Variants in SHC1 observed in about 807,000 individuals in gnomAD.
SHC1 encodes the protein SHC-transforming protein 1.
SHC1 carries 30 observed loss-of-function variants against 55.9 expected under a neutral mutation model. The observed-to-expected ratio is 0.54, with a 90% CI of 0.40 to 0.73. The LOEUF (loss-of-function observed/expected upper bound fraction) is 0.73, where lower values mean the gene tolerates loss of function less well. Ranked by LOEUF, SHC1 falls within the 30% of genes least tolerant of loss-of-function variation. The probability of loss-of-function intolerance (pLI) is 0.00; values close to 1 mark genes in which losing one functional copy is unlikely to be tolerated. For synonymous variants in SHC1, 309 were observed against 306.1 expected (o/e 1.01, Z -0.10); for missense variants, 675 against 777.1 (o/e 0.87, Z 1.56).
intron 7 of SHC1, 21 bp from the exon 8 acceptor site, chr1:154,966,538 GCTGT>G: frequency 4.6e-6 from 7 of 1,520,038 alleles, no homozygotes; most frequent in Non-Finnish European, 6.2e-6. Context: ...GGACAGTGAA[GCTGT>G]GGCTGTAAAT....
Position 154,965,934 on chromosome 1 carries a change from A to G in SHC1, c.1387+12T>C. ...AGGTGGGGATGCAGAGAGGAGAGAGACGAGCACTCACTCATGTCAAACAGG... is the reference window on the plus strand; with the variant it reads ...AGGTGGGGATGCAGAGAGGAGAGAGGCGAGCACTCACTCATGTCAAACAGG... On this transcript the variant is annotated intron_variant, in intron 10 of 11. Transcript: ENST00000448116. 6.2e-7 allele frequency: 1 copy of G among 1,604,134 alleles called. No homozygotes were observed. Among genetic ancestry groups the G allele is most frequent in the Non-Finnish European group, 8.5e-7 (1 of 1,172,902 alleles).
In SHC1 at chr1:154,969,924, A is replaced by T. The variant is rs193050974; in HGVS notation, c.495+108T>A. The T allele has an allele frequency of 1.4e-4, 167 of 1,227,246 alleles. No individual in the cohort carries two copies. The African/African-American group carries it at 2.0e-3, about 15-fold the overall frequency. The allele number at this position is 1,227,246 out of a possible 1,614,324, so 76.0% of individuals were successfully genotyped here. A position where few individuals can be genotyped will look rare whatever the true frequency, so the allele number is the denominator to read the frequency against. On this transcript the variant is annotated intron_variant, in intron 1 of 11. Coordinates refer to ENST00000448116, the MANE Select transcript of SHC1 (RefSeq NM_001130040.2). ...AAGGTTTAGGAAATAGGACACTGAAACGGGGTTGTTGGGGAACAGCAGGAA... is the reference window on the plus strand; with the variant it reads ...AAGGTTTAGGAAATAGGACACTGAATCGGGGTTGTTGGGGAACAGCAGGAA...
In SHC1 at chr1:154,967,959, GT is replaced by G. The variant is rs546641381; in HGVS notation, c.856+20del. The G allele has an allele frequency of 1.3e-4, 204 of 1,613,496 alleles. No homozygotes were observed. In the South Asian group the frequency reaches 2.1e-3, roughly 17 times the overall value. On this transcript the variant is annotated intron_variant, in intron 6 of 11. Transcript: ENST00000448116. ...CTCCTCAAACAGCCAGACCCACCCA[GT>G]GCTCCCCACCATGCCTCACCTCTCT...
intron 11 of SHC1, among the ~76,000 whole-genome samples, chr1:154,964,889 T>C (rs1024201743): frequency 2.6e-5 from 4 of 152,232 alleles, no homozygotes; most frequent in Non-Finnish European, 5.9e-5. Context: ...ACTTGCAGTG[T>C]CTAGCCTCTA....
Position 154,968,276 on chromosome 1 carries a change from G to C in SHC1, c.751-19C>G. 1 of 1,613,562 alleles carries C rather than the reference G, an allele frequency of 6.2e-7. No individual in the cohort carries two copies. Among genetic ancestry groups the C allele is most frequent in the Non-Finnish European group, 8.5e-7 (1 of 1,179,460 alleles). On this transcript the variant is annotated intron_variant, in intron 4 of 11. Transcript: ENST00000448116. ...CGATGATCTGAGAATTAGGGCAGGGGATGAAGAAGGAAGGGAATGCCATGT... is the reference window on the plus strand; with the variant it reads ...CGATGATCTGAGAATTAGGGCAGGGCATGAAGAAGGAAGGGAATGCCATGT...
Position 154,965,968 on chromosome 1 carries a change from T to G in SHC1, c.1365A>C (p.Ala455=). 1 of 1,613,212 alleles carries G rather than the reference T, an allele frequency of 6.2e-7. No individual in the cohort carries two copies. The change falls in exon 10 of 12, where the codon GCA becomes GCC. Residue 455 remains alanine, a synonymous_variant. Coordinates refer to ENST00000448116, the MANE Select transcript of SHC1 (RefSeq NM_001130040.2). ...GPPNPAINGS[A]PRDLFDMKPF... ...CACTCATGTCAAACAGGTCCCGGGG[T>G]GCACTGCCATTGATAGCAGGATTGG...
rs3753645 is a variant in SHC1 at position 154,970,003 on chromosome 1, G to A, written c.495+29C>T. ...GCATTAGAACTGGAGGGGGTCTGCGGGGGAATGGAGAGGAGGATGTTCACT... is the reference window on the plus strand; with the variant it reads ...GCATTAGAACTGGAGGGGGTCTGCGAGGGAATGGAGAGGAGGATGTTCACT... On this transcript the variant is annotated intron_variant, in intron 1 of 11. Transcript: ENST00000448116. The surrounding 1 kb of genome is among the most constrained non-coding windows in gnomAD (Gnocchi z 5.5). 829 of 1,612,394 alleles carry A rather than the reference G, an allele frequency of 5.1e-4. 3 individuals are homozygous for A. The East Asian group carries it at 0.016, about 31-fold the overall frequency.
In SHC1 at chr1:154,967,551, G is replaced by A. The variant is rs556374355; in HGVS notation, c.983+120C>T. 7.7e-5 allele frequency: 82 copies of A among 1,062,854 alleles called. No homozygotes were observed. The Admixed American group carries it at 1.6e-3, about 20-fold the overall frequency. 65.8% of individuals were successfully genotyped at this position (1,062,854 alleles called of 1,614,324 possible). Reference sequence around the variant, plus strand: ...AGGAAACAGAAGAATAGCAGGAAGTGGGAAGCAGAGGCACACAGGTTATTC... The same window carrying A: ...AGGAAACAGAAGAATAGCAGGAAGTAGGAAGCAGAGGCACACAGGTTATTC... On this transcript the variant is annotated intron_variant, in intron 7 of 11. Transcript: ENST00000448116.
At position 154,970,710 on chromosome 1, in the gene SHC1, T is replaced by C. The variant is rs1656657103; in HGVS notation, c.-184A>G. 3.8e-6 allele frequency: 2 copies of C among 519,492 alleles called. No individual in the cohort carries two copies. Among genetic ancestry groups the C allele is most frequent in the African/African-American group, 4.0e-5 (2 of 49,904 alleles). 32.2% of individuals were successfully genotyped at this position (519,492 alleles called of 1,614,324 possible). A position where few individuals can be genotyped will look rare whatever the true frequency, so the allele number is the denominator to read the frequency against. On this transcript the variant is annotated 5_prime_UTR_variant, in exon 1 of 12. Coordinates refer to ENST00000448116, the MANE Select transcript of SHC1 (RefSeq NM_001130040.2). This position sits in a 1 kb window ranked among gnomAD's most constrained non-coding sequence, Gnocchi z 5.5. ...CTCCCCAGCTCAGACCCAGACAGTTTCAGGCCCCATCCCCGCCCAACGTGG... is the reference window on the plus strand; with the variant it reads ...CTCCCCAGCTCAGACCCAGACAGTTCCAGGCCCCATCCCCGCCCAACGTGG...
intron 5 of SHC1, 28 bp downstream of exon 5, chr1:154,968,172 TCCCA>T: frequency 1.2e-6 from 2 of 1,610,128 alleles, no homozygotes; most frequent in South Asian, 2.2e-5. Flanking sequence ...CTTGCTCTTC[TCCCA>T]CCGCCTTTGC....
At chr1:154,971,424 G>A (rs1656735631), upstream of SHC1, among the ~76,000 whole-genome samples, 1 of 152,220 alleles carries the variant, frequency 6.6e-6, no homozygotes, top group Admixed American at 6.5e-5. Flanking sequence ...GAAGCTACCA[G>A]GCAAGAAGGG....
rs1241202564 is a variant in SHC1 at position 154,970,209 on chromosome 1, G to GTAC, written c.317_318insGTA (p.Pro106_Leu107insTyr). 1 of 1,613,788 alleles carries GTAC rather than the reference G, an allele frequency of 6.2e-7. No homozygotes were observed. The highest frequency in any genetic ancestry group is 2.2e-5 in the East Asian group (1 of 44,876). ...TCAGCTTGTTCATGTCCTGGAGGAG[G>GTAC]GGTAGGGGGCCTGAGTCTGGCATGG... On this transcript the variant is annotated inframe_insertion, in exon 1 of 12. Transcript: ENST00000448116. The surrounding 1 kb of genome is among the most constrained non-coding windows in gnomAD (Gnocchi z 5.5).
rs1394232454 is a variant in SHC1, at chr1:154,968,517, A to G, written c.728T>C (p.Leu243Pro). The change falls in exon 4 of 12, where the codon CTC (leucine) becomes CCC (proline). Residue 243 changes from leucine (L) to proline (P), a missense_variant. Around this residue, in one of 3 missense-constraint regions of SHC1, gnomAD observed 159 missense variants for 246.9 expected, o/e 0.64. Coordinates refer to ENST00000448116, the MANE Select transcript of SHC1 (RefSeq NM_001130040.2). ...AACCTGTTTGCAGTCTGCGGCCATG[A>G]GGTTGAGGCTGCTGGTGGAGACGGT... ...TLTVSTSSLN[L>P]MAADCKQIIA... 6.2e-7 allele frequency: 1 copy of G among 1,614,022 alleles called. No individual in the cohort carries two copies. The highest frequency in any genetic ancestry group is 8.5e-7 in the Non-Finnish European group (1 of 1,179,986).
upstream of SHC1, among the ~76,000 whole-genome samples, chr1:154,973,772 T>G (rs566472775): frequency 3.9e-5 from 6 of 152,228 alleles, no homozygotes; most frequent in South Asian, 1.2e-3. Context: ...CGTGGTCCCC[T>G]AAGGACGCGA....
Position 154,965,555 on chromosome 1 carries a change from G to A in SHC1, c.1614C>T (p.Asp538=), listed in dbSNP as rs1655844947. The part of the protein sequence containing the change: ...SGQPKHLLLV[D]PEGVVRTKDH... Reference sequence around the variant, plus strand: ...CTGCCACACTCACCACACCCTCAGGGTCCACCAGTAGCAAATGCTTAGGCT... The same window carrying A: ...CTGCCACACTCACCACACCCTCAGGATCCACCAGTAGCAAATGCTTAGGCT... The change falls in exon 11 of 12, where the codon GAC becomes GAT. Residue 538 remains aspartate (D), a synonymous_variant. Coordinates refer to ENST00000448116, the MANE Select transcript of SHC1 (RefSeq NM_001130040.2). 1.2e-6 allele frequency: 2 copies of A among 1,613,960 alleles called. No homozygotes were observed. The highest frequency in any genetic ancestry group is 1.7e-6 in the Non-Finnish European group (2 of 1,180,016).
rs779967977 is a variant in SHC1, at chr1:154,966,483, C to T, written c.1018G>A (p.Glu340Lys). Residue 340 changes from glutamate (E) to lysine (K), a missense_variant, in exon 8 of 12, where the codon GAG becomes AAG. Glu to Lys is a moderately conservative substitution (Grantham distance 56, BLOSUM62 1). This residue lies in a region of SHC1 where 360 missense variants were observed against 371.1 expected (regional missense o/e 0.97). Coordinates refer to ENST00000448116, the MANE Select transcript of SHC1 (RefSeq NM_001130040.2). Reference sequence around the variant, plus strand: ...TGATGGTCAGGTGGCTCTTCCTCCTCCTCATCCCATGCTGAGCCATCAAAG... The same window carrying T: ...TGATGGTCAGGTGGCTCTTCCTCCTTCTCATCCCATGCTGAGCCATCAAAG... ...AGFDGSAWDE[E>K]EEEPPDHQYY... 8 of 1,608,480 alleles carry T rather than the reference C, an allele frequency of 5.0e-6. No individual in the cohort carries two copies. Among genetic ancestry groups the T allele is most frequent in the Non-Finnish European group, 6.8e-6 (8 of 1,176,810 alleles).
chr1:154,963,224 T>C lies in SHC1; in HGVS notation c.*579A>G, dbSNP rs1278608484. 6.5e-6 allele frequency: 1 copy of C among 153,352 alleles called. No homozygotes were observed. Among genetic ancestry groups the C allele is most frequent in the Non-Finnish European group, 1.5e-5 (1 of 68,500 alleles). 9.5% of individuals were successfully genotyped at this position (153,352 alleles called of 1,614,324 possible). On this transcript the variant is annotated 3_prime_UTR_variant, in exon 12 of 12. Transcript: ENST00000448116. ...AGAGGGGACAGCTGCCACTCCTGCC[T>C]CTGTTATCCCAACCCAAACCGGAGA... is the stretch of plus-strand genomic sequence containing the variant.
chr1:154,965,959 G>C lies in SHC1; in HGVS notation c.1374C>G (p.Asp458Glu). The C allele has an allele frequency of 1.9e-6, 3 of 1,613,086 alleles. No individual in the cohort carries two copies. The highest frequency in any genetic ancestry group is 2.5e-6 in the Non-Finnish European group (3 of 1,179,438). ...ACGAGCACTCACTCATGTCAAACAGGTCCCGGGGTGCACTGCCATTGATAG... is the reference window on the plus strand; with the variant it reads ...ACGAGCACTCACTCATGTCAAACAGCTCCCGGGGTGCACTGCCATTGATAG... Reference protein sequence around the residue: ...NPAINGSAPRDLFDMKPFEDA... With the variant: ...NPAINGSAPRELFDMKPFEDA... Residue 458 changes from aspartate (D) to glutamate (E), a missense_variant, in exon 10 of 12, where the codon GAC becomes GAG. By Grantham distance (45) the Asp-to-Glu change is conservative. This residue lies in a region of SHC1 where 360 missense variants were observed against 371.1 expected (regional missense o/e 0.97). Coordinates refer to ENST00000448116, the MANE Select transcript of SHC1 (RefSeq NM_001130040.2).
intron 6 of SHC1, 56 bp from the exon 7 acceptor site, chr1:154,967,853 C>A: frequency 6.2e-7 from 1 of 1,607,854 alleles, no homozygotes; most frequent in Non-Finnish European, 8.5e-7. Flanking sequence ...GAGGCACAGA[C>A]AGGGGCCCTC....
Sources: allele counts gnomAD v4.1 joint callset (sites outside exome capture counted in the v4.1 genomes callset), GRCh38; gene constraint gnomAD v4.1.1; regional missense constraint gnomAD v4.1.1; non-coding constraint Gnocchi (gnomAD v3.1); transcripts MANE v1.5; gene names NCBI Gene and HGNC (gene_info 2026-07-23, HGNC 2026-07-21).